Variants in CD40 observed in about 807,000 individuals in gnomAD.
CD40 encodes tumor necrosis factor receptor superfamily member 5.
CD40 carries 19 observed loss-of-function variants against 38.5 expected under a neutral mutation model. The ratio of observed to expected loss-of-function variants is 0.49; its 90% CI spans 0.34 to 0.72. The LOEUF (loss-of-function observed/expected upper bound fraction) is 0.72, where lower values mean the gene tolerates loss of function less well. CD40 is among the 30% of genes least tolerant of loss of function. The pLI is 0.01. For missense variants in CD40, 256 were observed against 344.1 expected (o/e 0.74, Z 2.03); for synonymous variants, 130 against 128.7 (o/e 1.01, Z -0.07).
At position 46,126,495 on chromosome 20, in the gene CD40, A is replaced by G. The variant is rs142434998; in HGVS notation, c.498-145A>G. ...TCGTTCCTATAATAACCAGCATAGG[A>G]CGTTGCACGTGTTGTGTGCTCAGTG... On this transcript the variant is annotated intron_variant, in intron 5 of 8. Coordinates refer to ENST00000372285, the MANE Select transcript of CD40 (RefSeq NM_001250.6). 77 of 829,568 alleles carry G rather than the reference A, an allele frequency of 9.3e-5. No homozygotes were observed. The African/African-American group carries it at 9.4e-4, about 10-fold the overall frequency. The allele number at this position is 829,568 out of a possible 1,614,324, so 51.4% of individuals were successfully genotyped here. A position where few individuals can be genotyped will look rare whatever the true frequency, so the allele number is the denominator to read the frequency against.
intron 5 of CD40, among the ~76,000 whole-genome samples, chr20:46,123,472 G>T (rs2085359230): frequency 6.6e-6 from 1 of 152,218 alleles, no homozygotes; most frequent in South Asian, 2.1e-4. Flanking sequence ...GGGGTATTGG[G>T]ACACTTATTT....
chr20:46,119,861 A>G (rs1425621706), intron 1 of CD40, among the ~76,000 whole-genome samples: 1 of 152,108 alleles, frequency 6.6e-6, no homozygotes, highest in Non-Finnish European at 1.5e-5. Flanking sequence ...TCTGGTCCTG[A>G]GCTGTTTTGT....
intron 5 of CD40, among the ~76,000 whole-genome samples, chr20:46,123,908 C>T (rs1462332195): frequency 6.6e-5 from 10 of 152,234 alleles, no homozygotes; most frequent in African/African-American, 1.9e-4. Flanking sequence ...GCATTTCCTG[C>T]TCTCTTTCCT....
rs762902889 is a variant in CD40, at chr20:46,128,197, G to A, written c.619G>A (p.Ala207Thr). The A allele has an allele frequency of 4.3e-6, 7 of 1,613,594 alleles. No individual in the cohort carries two copies. The South Asian group carries it at 7.7e-5, about 18-fold the overall frequency. The change falls in exon 7 of 9, where the codon GCC (alanine) becomes ACC (threonine). Residue 207 changes from alanine (A) to threonine (T), a missense_variant. Ala to Thr is a moderately conservative substitution (Grantham distance 58). Coordinates refer to ENST00000372285, the MANE Select transcript of CD40 (RefSeq NM_001250.6). The stretch of plus-strand genomic sequence containing the variant: ...CCCCATCATCTTCGGGATCCTGTTT[G>A]CCATCCTCTTGGTGCTGGTCTTTAT... Reference protein sequence around the residue: ...VIPIIFGILFAILLVLVFIKK... With the variant: ...VIPIIFGILFTILLVLVFIKK...
At chr20:46,128,646 C>A in intron 8 of CD40, 1 of 670,162 alleles carries the variant, frequency 1.5e-6, no homozygotes, top group South Asian at 1.7e-5. Flanking sequence ...GGGGCTGGGT[C>A]AAATGGGTGG....
rs1163963238 is a variant in CD40 at position 46,123,114 on chromosome 20, A to G, written c.404-12A>G. The G allele has an allele frequency of 1.2e-6, 2 of 1,605,834 alleles. No individual in the cohort carries two copies. The highest frequency in any genetic ancestry group is 2.2e-5 in the East Asian group (1 of 44,820). ...TGTGATGGTTAATGTCCCCCTCCCC[A>G]CCCACTCCCAGCTACAGGGGTTTCT... is the stretch of plus-strand genomic sequence containing the variant. On this transcript the variant is annotated splice_polypyrimidine_tract_variant and intron_variant, in intron 4 of 8. Transcript: ENST00000372285.
Position 46,128,926 on chromosome 20 carries a change from C to A in CD40, c.720C>A (p.Asp240Glu), listed in dbSNP as rs147672904. 6.2e-7 allele frequency: 1 copy of A among 1,614,198 alleles called. No homozygotes were observed. Among genetic ancestry groups the A allele is most frequent in the Non-Finnish European group, 8.5e-7 (1 of 1,180,024 alleles). The change falls in exon 9 of 9, where the codon GAC (aspartate) becomes GAA (glutamate). Residue 240 changes from aspartate to glutamate, a missense_variant. Asp to Glu is a conservative substitution (Grantham distance 45). Coordinates refer to ENST00000372285, the MANE Select transcript of CD40 (RefSeq NM_001250.6). ...KQEPQEINFP[D>E]DLPGSNTAAP... ...AACCCCAGGAGATCAATTTTCCCGA[C>A]GATCTTCCTGGCTCCAACACTGCTG...
At chr20:46,121,678 C>A in intron 1 of CD40, 142 bp from the exon 2 acceptor site, 1 of 759,852 alleles carries the variant, frequency 1.3e-6, no homozygotes, top group South Asian at 1.4e-5. Flanking sequence ...AACAAACATG[C>A]CAAATATCAT....
At chr20:46,120,107 C>T (rs1380150132) in intron 1 of CD40, among the ~76,000 whole-genome samples, 1 of 152,112 alleles carries the variant, frequency 6.6e-6, no homozygotes, top group Non-Finnish European at 1.5e-5. Flanking sequence ...TGCTGAGATA[C>T]CCAGGTTGAA....
At position 46,118,325 on chromosome 20, in the gene CD40, C is replaced by A. The variant is rs1221919502; in HGVS notation, c.-19C>A. ...TCGCTCGGGCGCCCAGTGGTCCTGCCGCCTGGTCTCACCTCGCTATGGTTC... is the reference window on the plus strand; with the variant it reads ...TCGCTCGGGCGCCCAGTGGTCCTGCAGCCTGGTCTCACCTCGCTATGGTTC... On this transcript the variant is annotated 5_prime_UTR_variant, in exon 1 of 9. Transcript: ENST00000372285. 2 of 1,613,114 alleles carry A rather than the reference C, an allele frequency of 1.2e-6. No individual in the cohort carries two copies. The highest frequency in any genetic ancestry group is 1.7e-5 in the Admixed American group (1 of 60,030).
rs377499066 is a variant in CD40 at position 46,122,799 on chromosome 20, G to A, written c.403+43G>A. 1.2e-6 allele frequency: 2 copies of A among 1,612,358 alleles called. No individual in the cohort carries two copies. The highest frequency in any genetic ancestry group is 1.7e-6 in the Non-Finnish European group (2 of 1,178,802). Reference sequence around the variant, plus strand: ...GAATCAGTTTTGGAGGGGGACAGAGGAGCTTAGGGCCCAAGGTGAGGGGCT... The same window carrying A: ...GAATCAGTTTTGGAGGGGGACAGAGAAGCTTAGGGCCCAAGGTGAGGGGCT... On this transcript the variant is annotated intron_variant, in intron 4 of 8. Transcript: ENST00000372285. This position sits in a 1 kb window ranked among gnomAD's most constrained non-coding sequence, Gnocchi z 5.0.
Position 46,122,015 on chromosome 20 carries a change from T to C in CD40, c.130+117T>C. ...GAAACGACCCATTTCCCAGCCCTGC[T>C]TCACTGTCAGAATGTTCTGGTTCCC... is the stretch of plus-strand genomic sequence containing the variant. On this transcript the variant is annotated intron_variant, in intron 2 of 8. Transcript: ENST00000372285. This position sits in a 1 kb window ranked among gnomAD's most constrained non-coding sequence, Gnocchi z 5.0. The C allele has an allele frequency of 9.4e-7, 1 of 1,059,742 alleles. No homozygotes were observed. The highest frequency in any genetic ancestry group is 1.4e-6 in the Non-Finnish European group (1 of 690,336). 65.6% of individuals were successfully genotyped at this position (1,059,742 alleles called of 1,614,324 possible).
At position 46,129,096 on chromosome 20, in the gene CD40, G is replaced by A. The variant is rs1319967792; in HGVS notation, c.*56G>A. 1.3e-6 allele frequency: 2 copies of A among 1,588,080 alleles called. No individual in the cohort carries two copies. Among genetic ancestry groups the A allele is most frequent in the Admixed American group, 1.7e-5 (1 of 59,972 alleles). On this transcript the variant is annotated 3_prime_UTR_variant, in exon 9 of 9. Coordinates refer to ENST00000372285, the MANE Select transcript of CD40 (RefSeq NM_001250.6). ...GGGCAAACAGGCAGTTGGCCAGAGA[G>A]CCTGGTGCTGCTGCTGCTGTGGCGT...
Position 46,122,871 on chromosome 20 carries a change from AC to A in CD40, c.403+117del. 1 of 1,355,666 alleles carries A rather than the reference AC, an allele frequency of 7.4e-7. No individual in the cohort carries two copies. Among genetic ancestry groups the A allele is most frequent in the Admixed American group, 2.0e-5 (1 of 50,038 alleles). 84.0% of individuals were successfully genotyped at this position (1,355,666 alleles called of 1,614,324 possible). On this transcript the variant is annotated intron_variant, in intron 4 of 8. Coordinates refer to ENST00000372285, the MANE Select transcript of CD40 (RefSeq NM_001250.6). This position sits in a 1 kb window ranked among gnomAD's most constrained non-coding sequence, Gnocchi z 5.0. ...AGAGGCAGAGGAAGCAGAGGCTCCA[AC>A]CTATGTCGGTATCCCCACTGGAGTG...
Position 46,122,125 on chromosome 20 carries a change from C to A in CD40, c.131-108C>A. The A allele has an allele frequency of 7.1e-7, 1 of 1,412,838 alleles. No homozygotes were observed. The highest frequency in any genetic ancestry group is 1.0e-6 in the Non-Finnish European group (1 of 999,202). The allele number at this position is 1,412,838 out of a possible 1,614,324, so 87.5% of individuals were successfully genotyped here. On this transcript the variant is annotated intron_variant, in intron 2 of 8. Transcript: ENST00000372285. The surrounding 1 kb of genome is among the most constrained non-coding windows in gnomAD (Gnocchi z 5.0). The stretch of plus-strand genomic sequence containing the variant: ...TCGCCTGATTATGAAGGATCCAAGA[C>A]TTTCATCTTTGAATCCCCTACCCTA...
In CD40 at chr20:46,119,484, G is replaced by A. The variant is rs73115007; in HGVS notation, c.51+1090G>A. ...GCGGAGCTGGAAAGAGGTAAAGGGGGGCCCTTGTGGTAGGAGTGGAGAAAG... is the reference window on the plus strand; with the variant it reads ...GCGGAGCTGGAAAGAGGTAAAGGGGAGCCCTTGTGGTAGGAGTGGAGAAAG... On this transcript the variant is annotated intron_variant, in intron 1 of 8. Coordinates refer to ENST00000372285, the MANE Select transcript of CD40 (RefSeq NM_001250.6). Among the ~76,000 whole-genome samples the A allele has an allele frequency of 3.3e-3, 507 of 152,270 alleles. 1 individual carries two copies. The highest frequency in any genetic ancestry group is 5.9e-3 in the Non-Finnish European group (400 of 68,016).
Position 46,122,913 on chromosome 20 carries a change from C to G in CD40, c.403+157C>G, listed in dbSNP as rs2085348317. 1.0e-6 allele frequency: 1 copy of G among 995,408 alleles called. No individual in the cohort carries two copies. The highest frequency in any genetic ancestry group is 1.5e-6 in the Non-Finnish European group (1 of 663,878). 61.7% of individuals were successfully genotyped at this position (995,408 alleles called of 1,614,324 possible). On this transcript the variant is annotated intron_variant, in intron 4 of 8. Transcript: ENST00000372285. The surrounding 1 kb of genome is among the most constrained non-coding windows in gnomAD (Gnocchi z 5.0). The stretch of plus-strand genomic sequence containing the variant: ...CACTGGAGTGAGCTGCAGACGGGAC[C>G]TTGTTCATTCTGCCTTCTGCCATGG...
intron 1 of CD40, among the ~76,000 whole-genome samples, chr20:46,119,417 C>T (rs1022268848): frequency 6.6e-6 from 1 of 152,034 alleles, no homozygotes; most frequent in African/African-American, 2.4e-5. Context: ...TTCACTTTCA[C>T]CTGAAGCAAT....
At chr20:46,126,080 C>T (rs1280836893) in intron 5 of CD40, among the ~76,000 whole-genome samples, 2 of 152,190 alleles carry the variant, frequency 1.3e-5, no homozygotes, top group Non-Finnish European at 2.9e-5. Flanking sequence ...GTTTTGCTCC[C>T]TGTGGAACGT....
Sources: allele counts gnomAD v4.1 joint callset (sites outside exome capture counted in the v4.1 genomes callset), GRCh38; gene constraint gnomAD v4.1.1; non-coding constraint Gnocchi (gnomAD v3.1); transcripts MANE v1.5; gene names NCBI Gene and HGNC (gene_info 2026-07-23, HGNC 2026-07-21).